SBF2: variants seen among roughly 807,000 people sequenced by gnomAD.
The protein encoded by SBF2 is myotubularin-related protein 13.
In SBF2, 112 loss-of-function variants were observed where a neutral mutation model predicts 225.2. The observed-to-expected ratio is 0.50, with a 90% confidence interval of 0.43 to 0.58. The LOEUF (loss-of-function observed/expected upper bound fraction) is 0.58, where lower values mean the gene tolerates loss of function less well. Among genes scored for constraint, SBF2 ranks in the 20% least tolerant of loss-of-function variants. SBF2 has a pLI of 0.00. For synonymous variants in SBF2, 763 were observed against 773.3 expected, an observed-to-expected ratio of 0.99 and a Z score of 0.22; for missense variants, 1,996 against 2,206.2, an observed-to-expected ratio of 0.90 and a Z score of 1.91.
rs138486937 is a variant in SBF2, at chr11:9,835,696, G to C, written c.3456-3276C>G. On this transcript the variant is annotated intron_variant, in intron 26 of 39. Coordinates refer to ENST00000256190, the MANE Select transcript of SBF2 (RefSeq NM_030962.4). ...ATGTGGATGAATTTTGCTTCTTTTT[G>C]AATTCTAGATAAAGGGAATCAACAG... is the stretch of plus-strand genomic sequence containing the variant. Among the ~76,000 whole-genome samples, 1,345 of 141,802 alleles carry C rather than the reference G, an allele frequency of 9.5e-3. 24 individuals are homozygous for C. The highest frequency in any genetic ancestry group is 0.032 in the African/African-American group (1,258 of 38,970). 93.0% of individuals were successfully genotyped at this position (141,802 alleles called of 152,430 possible).
At chr11:9,872,039 A>G (rs528701438) in intron 17 of SBF2, among the ~76,000 whole-genome samples, 1 of 152,340 alleles carries the variant, frequency 6.6e-6, no homozygotes, top group East Asian at 1.9e-4. Flanking sequence ...TTGCAGCACT[A>G]TTAACAATAG....
intron 13 of SBF2, among the ~76,000 whole-genome samples, chr11:9,971,547 T>C (rs1304928134): frequency 6.6e-6 from 1 of 152,032 alleles, no homozygotes; most frequent in Non-Finnish European, 1.5e-5. Context: ...GGCATGGTGG[T>C]GCCTGCCCAT....
chr11:10,298,731 T>C (rs1477213486), upstream of SBF2, among the ~76,000 whole-genome samples: 1 of 152,202 alleles, frequency 6.6e-6, no homozygotes, highest in Non-Finnish European at 1.5e-5. Flanking sequence ...AATCTTACCC[T>C]TGACAGCTGC....
rs185451663 is a variant in SBF2 at position 9,958,930 on chromosome 11, G to A, written c.1860+3027C>T. 1.6e-5 allele frequency: 11 copies of A among 682,804 alleles called. No homozygotes were observed. In the Admixed American group the frequency reaches 2.2e-4, roughly 13 times the overall value. The allele number at this position is 682,804 out of a possible 1,614,324, so 42.3% of individuals were successfully genotyped here. ...GGGCTATAAGAGCAGAAAAGTCGTT[G>A]ATGTTAGAAGTTTCATGGGAATGTG... On this transcript the variant is annotated intron_variant, in intron 16 of 39. Coordinates refer to ENST00000256190, the MANE Select transcript of SBF2 (RefSeq NM_030962.4).
At chr11:10,239,624 T>C (rs1378683887) in intron 1 of SBF2, among the ~76,000 whole-genome samples, 2 of 150,266 alleles carry the variant, frequency 1.3e-5, no homozygotes, top group East Asian at 1.9e-4. Context: ...AAAAGGTAAA[T>C]AGGGGAATTA....
chr11:9,871,532 C>T (rs1177306197), intron 17 of SBF2, among the ~76,000 whole-genome samples: 3 of 149,066 alleles, frequency 2.0e-5, no homozygotes, highest in African/African-American at 7.3e-5. Context: ...CACTCTGTTG[C>T]CCAGGCTGGA....
In SBF2 at chr11:9,795,835, C is replaced by T; in HGVS notation, c.4566G>A (p.Glu1522=). 6.2e-7 allele frequency: 1 copy of T among 1,613,650 alleles called. No homozygotes were observed. Among genetic ancestry groups the T allele is most frequent in the Non-Finnish European group, 8.5e-7 (1 of 1,179,832 alleles). ...CAAGGGCATACAGACACATACCGTG[C>T]TCTAATCTTTCATAGTCTGAATCCA... ...FLLDSDYERL[E]HGTLFDDKGE... Residue 1522 remains glutamate (E), a synonymous_variant, in exon 33 of 40, where the codon GAG becomes GAA. Transcript: ENST00000256190.
At chr11:9,934,265 T>C (rs189526847) in intron 16 of SBF2, among the ~76,000 whole-genome samples, 10 of 152,120 alleles carry the variant, frequency 6.6e-5, no homozygotes, top group South Asian at 2.1e-4. Flanking sequence ...CTGGAAGAAG[T>C]TGAATCTCTG....
At chr11:10,025,120 T>A (rs116806848) in intron 6 of SBF2, among the ~76,000 whole-genome samples, 278 of 152,332 alleles carry the variant, frequency 1.8e-3, no homozygotes, top group African/African-American at 6.2e-3. Flanking sequence ...CTGGTTATTT[T>A]TGATTGAGTA....
At chr11:10,042,644 T>G (rs1949695745) in intron 3 of SBF2, among the ~76,000 whole-genome samples, 200 bp downstream of exon 3, 1 of 152,210 alleles carries the variant, frequency 6.6e-6, no homozygotes, top group South Asian at 2.1e-4. Context: ...TGATCAATGT[T>G]TTGAAAAAGG....
chr11:10,253,315 A>T (rs1433977040), intron 1 of SBF2, among the ~76,000 whole-genome samples: 1 of 152,132 alleles, frequency 6.6e-6, no homozygotes, highest in Admixed American at 6.5e-5. Flanking sequence ...GAGAAAGGAA[A>T]GCAGAAATGA....
intron 19 of SBF2, among the ~76,000 whole-genome samples, chr11:9,854,429 T>C (rs1259524250): frequency 1.3e-5 from 2 of 152,316 alleles, no homozygotes; most frequent in African/African-American, 4.8e-5. Context: ...AAAGACTCAT[T>C]TGTCTGTTCC....
chr11:9,895,345 G>A (rs1564968599), intron 17 of SBF2, among the ~76,000 whole-genome samples: 1 of 152,184 alleles, frequency 6.6e-6, no homozygotes, highest in East Asian at 1.9e-4. Context: ...AGTGTGGGTG[G>A]TTATCTAATT....
chr11:9,792,513 A>G lies in SBF2; in HGVS notation c.4571-1830T>C, dbSNP rs145297432. ...TCTCCACTTCGTCATTTTGGCAGAT[A>G]GAGGGTAGTTACCACAGGTGTTCCT... On this transcript the variant is annotated intron_variant, in intron 33 of 39. Coordinates refer to ENST00000256190, the MANE Select transcript of SBF2 (RefSeq NM_030962.4). Among the ~76,000 whole-genome samples, 1,215 of 152,302 alleles carry G rather than the reference A, an allele frequency of 8.0e-3. 17 individuals are homozygous for G. Among genetic ancestry groups the G allele is most frequent in the African/African-American group, 0.028 (1,157 of 41,556 alleles).
At chr11:9,866,365 G>C (rs1324458440) in intron 17 of SBF2, among the ~76,000 whole-genome samples, 1 of 152,102 alleles carries the variant, frequency 6.6e-6, no homozygotes, top group African/African-American at 2.4e-5. Context: ...GCATGGTACT[G>C]CCATAAAAAC....
intron 1 of SBF2, among the ~76,000 whole-genome samples, chr11:10,289,358 G>C (rs1421370652): frequency 6.6e-6 from 1 of 152,140 alleles, no homozygotes; most frequent in African/African-American, 2.4e-5. Flanking sequence ...CCACAGCTCT[G>C]ACTTGGGTGG....
chr11:10,115,496 T>A (rs1024473775), intron 2 of SBF2, among the ~76,000 whole-genome samples: 29 of 152,214 alleles, frequency 1.9e-4, no homozygotes, highest in African/African-American at 6.8e-4. Flanking sequence ...TACTGGCTCA[T>A]GTGCACACAC....
intron 14 of SBF2, among the ~76,000 whole-genome samples, chr11:9,967,947 G>GTGTCTC (rs1867046352): frequency 1.0e-5 from 1 of 100,254 alleles, no homozygotes; most frequent in African/African-American, 3.8e-5. Context: ...CTGTCTGTCT[G>GTGTCTC]TCTCTCTCTC....
chr11:10,298,574 T>C (rs1398117857), upstream of SBF2, among the ~76,000 whole-genome samples: 3 of 152,198 alleles, frequency 2.0e-5, no homozygotes, highest in Non-Finnish European at 4.4e-5. Flanking sequence ...GAGTCAGACT[T>C]GAGCAAACAT....
Sources: gnomAD v4.1 joint callset for allele counts (sites outside exome capture counted in the v4.1 genomes callset) on GRCh38, gnomAD v4.1.1 for gene constraint, MANE v1.5 for transcripts, NCBI Gene and HGNC (gene_info 2026-07-23, HGNC 2026-07-21) for gene names.